The following UNC80 variants were observed in gnomAD, a reference collection of about 807,000 sequenced individuals.
UNC80 encodes protein unc-80 homolog.
In UNC80, 164 loss-of-function variants were observed where a neutral mutation model predicts 384.6. The ratio of observed to expected loss-of-function variants is 0.43; its 90% CI spans 0.38 to 0.49. UNC80 has a LOEUF of 0.49. Among genes scored for constraint, UNC80 ranks in the 20% least tolerant of loss-of-function variants. UNC80 has a pLI of 0.00. For synonymous variants in UNC80, 1,486 were observed against 1,527.8 expected, an observed-to-expected ratio of 0.97 and a Z score of 0.64; for missense variants, 3,330 against 4,143.0, an observed-to-expected ratio of 0.80 and a Z score of 5.39.
At chr2:209,881,160 C>T in intron 25 of UNC80, 66 bp downstream of exon 25, 2 of 1,487,980 alleles carry the variant, frequency 1.3e-6, no homozygotes, top group Non-Finnish European at 1.8e-6. Flanking sequence ...TCTGGGTTTC[C>T]AAGATTCACA....
At chr2:209,913,347 G>C (rs13424791) in intron 30 of UNC80, among the ~76,000 whole-genome samples, 3,229 of 152,236 alleles carry the variant, frequency 0.021, 127 homozygotes, top group African/African-American at 0.074. Context: ...TAACCACAAT[G>C]TATTATGTAT....
chr2:209,975,713 T>C (rs1368599987), intron 56 of UNC80, among the ~76,000 whole-genome samples: 3 of 152,174 alleles, frequency 2.0e-5, no homozygotes, highest in Admixed American at 6.5e-5. Context: ...ATTTTTAAGA[T>C]CCATGTTTTA....
At chr2:209,829,442 A>G in intron 15 of UNC80, 63 bp downstream of exon 15, 1 of 1,515,726 alleles carries the variant, frequency 6.6e-7, no homozygotes, top group Non-Finnish European at 9.0e-7. Context: ...GTAGTGTTTC[A>G]AGGGGACACT....
rs11335630 is a variant in UNC80 at position 209,778,405 on chromosome 2, G to GA, written c.600+855dup. Among the ~76,000 whole-genome samples, 1,004 of 150,306 alleles carry GA rather than the reference G, an allele frequency of 6.7e-3. 3 individuals carry two copies. Among genetic ancestry groups the GA allele is most frequent in the Non-Finnish European group, 0.012 (798 of 67,440 alleles). ...ACAAAGCGAGACTCTGTCTTAAAAT[G>GA]AAAAAAAAATAAGTTTTAACTTTTT... On this transcript the variant is annotated intron_variant, in intron 4 of 64. Transcript: ENST00000673920.
intron 38 of UNC80, among the ~76,000 whole-genome samples, chr2:209,932,072 T>C (rs143130035): frequency 2.0e-5 from 3 of 152,306 alleles, no homozygotes; most frequent in Non-Finnish European, 4.4e-5. Context: ...TAAGTCTGGC[T>C]GGTTGCTGGA....
intron 51 of UNC80, among the ~76,000 whole-genome samples, chr2:209,964,987 A>T (rs1035803788): frequency 1.3e-5 from 2 of 152,186 alleles, no homozygotes; most frequent in Non-Finnish European, 2.9e-5. Flanking sequence ...TTAATTTGTT[A>T]AATGTCATAC....
In UNC80 at chr2:209,793,841, G is replaced by A. The variant is rs1199111389; in HGVS notation, c.920G>A (p.Arg307Lys). The A allele has an allele frequency of 6.2e-7, 1 of 1,614,146 alleles. No individual in the cohort carries two copies. The highest frequency in any genetic ancestry group is 2.2e-5 in the East Asian group (1 of 44,874). ...CTGTCCTCCCAAACTTCCCAGGAAA[G>A]AGGCCCATCACATTCCAGGTACCTG... ...GSLSSQTSQE[R>K]GPSHSRASLV... Residue 307 changes from arginine (R) to lysine (K), a missense_variant, in exon 7 of 65, where the codon AGA (arginine) becomes AAA (lysine). By Grantham distance (26) the Arg-to-Lys change is conservative (BLOSUM62 2). This residue lies in a region of UNC80 where 937 missense variants were observed against 1,026.8 expected (regional missense o/e 0.91). Coordinates refer to ENST00000673920, the MANE Select transcript of UNC80 (RefSeq NM_001371986.1).
intron 35 of UNC80, among the ~76,000 whole-genome samples, chr2:209,925,222 A>C (rs972431292): frequency 1.3e-5 from 2 of 151,974 alleles, no homozygotes; most frequent in African/African-American, 4.8e-5. Context: ...GATTTCAGGG[A>C]TCTATACTCC....
rs1361371900 is a variant in UNC80, at chr2:209,933,845, G to C, written c.6018G>C (p.Val2006=). ...NYLVGLIMYF[V]RTPCEWGMDA... ...AGGTAGGATTAATCATGTACTTTGT[G>C]CGGACCCCCTGCGAGTGGGGGATGG... is the stretch of plus-strand genomic sequence containing the variant. The change falls in exon 39 of 65, where the codon GTG becomes GTC. Residue 2006 remains valine (V), a synonymous_variant. Transcript: ENST00000673920. 6.4e-7 allele frequency: 1 copy of C among 1,551,166 alleles called. No homozygotes were observed. Among genetic ancestry groups the C allele is most frequent in the Admixed American group, 2.0e-5 (1 of 50,978 alleles).
chr2:209,835,797 C>T (rs2081296405), intron 18 of UNC80, among the ~76,000 whole-genome samples: 1 of 152,202 alleles, frequency 6.6e-6, no homozygotes, highest in South Asian at 2.1e-4. Flanking sequence ...ATCCTTTCTT[C>T]ACAGTCAGGG....
At chr2:209,980,138 T>A (rs1379323870) in intron 59 of UNC80, among the ~76,000 whole-genome samples, 1 of 152,160 alleles carries the variant, frequency 6.6e-6, no homozygotes, top group Non-Finnish European at 1.5e-5. Context: ...ATTAGGGAAA[T>A]CTTGACTGAG....
intron 4 of UNC80, among the ~76,000 whole-genome samples, chr2:209,783,795 C>T (rs2077276606): frequency 6.6e-6 from 1 of 152,070 alleles, no homozygotes; most frequent in Non-Finnish European, 1.5e-5. Flanking sequence ...TCAATAAAAC[C>T]AGGTCAATTG....
intron 9 of UNC80, among the ~76,000 whole-genome samples, chr2:209,815,804 A>T (rs1383439505): frequency 3.3e-5 from 5 of 150,154 alleles, no homozygotes; most frequent in Non-Finnish European, 7.4e-5. Context: ...TAAGAAATTG[A>T]CCCTTAGAAA....
intron 28 of UNC80, among the ~76,000 whole-genome samples, chr2:209,902,728 T>C (rs1361990771): frequency 6.6e-6 from 1 of 152,338 alleles, no homozygotes; most frequent in South Asian, 2.1e-4. Context: ...GGTATGTACA[T>C]TGGTTTTTTA....
At chr2:209,942,628 A>G (rs777082479) in intron 44 of UNC80, among the ~76,000 whole-genome samples, 1 of 152,140 alleles carries the variant, frequency 6.6e-6, no homozygotes, top group Non-Finnish European at 1.5e-5. Context: ...TGCTCAACCT[A>G]TGGGGGCAAG....
At chr2:209,946,030 T>G (rs533608339) in intron 47 of UNC80, 87 bp downstream of exon 47, 4 of 968,510 alleles carry the variant, frequency 4.1e-6, no homozygotes, top group African/African-American at 3.3e-5. Context: ...TTATGCTGAT[T>G]AATATCAGAC....
At chr2:209,910,712 C>A (rs1574981677) in intron 29 of UNC80, among the ~76,000 whole-genome samples, 1 of 142,306 alleles carries the variant, frequency 7.0e-6, no homozygotes, top group South Asian at 2.2e-4. Context: ...GTTAAAATTC[C>A]TGTAATTTAA....
At chr2:209,987,575 A>G (rs2093314961) in intron 61 of UNC80, among the ~76,000 whole-genome samples, 1 of 152,192 alleles carries the variant, frequency 6.6e-6, no homozygotes, top group Admixed American at 6.5e-5. Flanking sequence ...TACAGAGGCT[A>G]TTCAAGAACT....
At chr2:209,917,180 G>A (rs745513008) in intron 31 of UNC80, among the ~76,000 whole-genome samples, 2 of 152,204 alleles carry the variant, frequency 1.3e-5, no homozygotes, top group Non-Finnish European at 2.9e-5. Flanking sequence ...GTGTTATAAA[G>A]TGTATTTATA....
Sources: gnomAD v4.1 joint callset for allele counts (sites outside exome capture counted in the v4.1 genomes callset) on GRCh38, gnomAD v4.1.1 for gene constraint, gnomAD v4.1.1 regional missense constraint, MANE v1.5 for transcripts, NCBI Gene and HGNC (gene_info 2026-07-23, HGNC 2026-07-21) for gene names.